The following FADS2 variants were observed in gnomAD, a reference collection of about 807,000 sequenced individuals.
The protein encoded by FADS2 is acyl-CoA 6-desaturase.
FADS2 carries 18 observed loss-of-function variants against 61.2 expected under a neutral mutation model. That is an observed-to-expected ratio of 0.29 (90% CI 0.20 to 0.44). FADS2 has a LOEUF of 0.44. Among genes scored for constraint, FADS2 ranks in the 20% least tolerant of loss-of-function variants. The probability of loss-of-function intolerance (pLI) is 1.00; values close to 1 mark genes in which losing one functional copy is unlikely to be tolerated. For missense variants in FADS2, 322 were observed against 572.7 expected (o/e 0.56, Z 4.47); for synonymous variants, 203 against 223.9 (o/e 0.91, Z 0.83).
chr11:61,822,617 T>G (rs1447315637), intron 1 of FADS2, among the ~76,000 whole-genome samples: 1 of 152,198 alleles, frequency 6.6e-6, no homozygotes, highest in African/African-American at 2.4e-5. Flanking sequence ...GATCTTCAGA[T>G]TGCCCGGGGA....
intron 2 of FADS2, 29 bp downstream of exon 2, chr11:61,837,917 G>A (rs767209852): frequency 1.3e-6 from 2 of 1,518,986 alleles, no homozygotes; most frequent in Admixed American, 1.7e-5. Flanking sequence ...CTGGGTGGGG[G>A]TGGAGACGAG....
At chr11:61,852,138 G>A (rs1310949020) in intron 5 of FADS2, among the ~76,000 whole-genome samples, 1 of 152,148 alleles carries the variant, frequency 6.6e-6, no homozygotes, top group Non-Finnish European at 1.5e-5. Context: ...TGGGCTGTCT[G>A]TCCTCTCCCA....
chr11:61,817,672 AGGAGCCCTG>A (rs1038748300), intron 1 of FADS2, among the ~76,000 whole-genome samples: 6 of 151,980 alleles, frequency 3.9e-5, no homozygotes, highest in African/African-American at 1.4e-4. Context: ...GGAGGCGCCT[AGGAGCCCTG>A]GGAGACTTTT....
At chr11:61,825,962 CTT>C, upstream of FADS2, 1 of 658,118 alleles carries the variant, frequency 1.5e-6, no homozygotes, top group South Asian at 1.6e-5. Context: ...AAAGTTCTCT[CTT>C]AATTCAGGCC....
At chr11:61,830,318 T>C (rs2067118314) in intron 1 of FADS2, among the ~76,000 whole-genome samples, 1 of 152,266 alleles carries the variant, frequency 6.6e-6, no homozygotes, top group Admixed American at 6.5e-5. Context: ...TTATTCCACA[T>C]TGTTAAACAT....
chr11:61,866,399 C>T lies in FADS2; in HGVS notation c.*710C>T, dbSNP rs189380986. ...TTTCACGGGCCCCATTCCACCGCCT[C>T]CCCAACTTGAGCCTGTGACCTTGGG... On this transcript the variant is annotated 3_prime_UTR_variant, in exon 12 of 12. Transcript: ENST00000278840. 169 of 168,006 alleles carry T rather than the reference C, an allele frequency of 1.0e-3. No individual in the cohort carries two copies. The highest frequency in any genetic ancestry group is 3.8e-3 in the African/African-American group (159 of 42,314). The allele number at this position is 168,006 out of a possible 1,614,324, so 10.4% of individuals were successfully genotyped here. A position where few individuals can be genotyped will look rare whatever the true frequency, so the allele number is the denominator to read the frequency against.
In FADS2 at chr11:61,840,519, T is replaced by C; in HGVS notation, c.504T>C (p.Leu168=). ...WIPTLITAFV[L]ATSQAQAGWL... ...CTACCCTCATCACGGCCTTTGTCCT[T>C]GCTACCTCTCAGGTGAGGCGTGACA... The change falls in exon 3 of 12, where the codon CTT becomes CTC. Residue 168 remains leucine, a synonymous_variant. Transcript: ENST00000278840. 6.2e-7 allele frequency: 1 copy of C among 1,614,230 alleles called. No individual in the cohort carries two copies. The highest frequency in any genetic ancestry group is 8.5e-7 in the Non-Finnish European group (1 of 1,180,040).
At chr11:61,857,913 G>A (rs1424551182) in intron 7 of FADS2, among the ~76,000 whole-genome samples, 1 of 152,214 alleles carries the variant, frequency 6.6e-6, no homozygotes, top group Non-Finnish European at 1.5e-5. Context: ...GGCGTTGGCT[G>A]AGATGACAGG....
chr11:61,840,282 C>G, intron 2 of FADS2, 52 bp from the exon 3 acceptor site: 1 of 1,437,468 alleles, frequency 7.0e-7, no homozygotes, highest in East Asian at 2.3e-5. Flanking sequence ...GACATATGTT[C>G]CCTCCAGAGT....
Position 61,816,732 on chromosome 11 carries a change from C to A in FADS2, c.141+306C>A, listed in dbSNP as rs749976161. The A allele has an allele frequency of 1.7e-5, 27 of 1,558,594 alleles. No individual in the cohort carries two copies. The highest frequency in any genetic ancestry group is 2.4e-5 in the East Asian group (1 of 41,850). Reference sequence around the variant, plus strand: ...GCGGGGTAGGTCCCTGAGCCGCGGTCTCGGCGGCCACCGGGTCGGGGGCCA... The same window carrying A: ...GCGGGGTAGGTCCCTGAGCCGCGGTATCGGCGGCCACCGGGTCGGGGGCCA... On this transcript the variant is annotated intron_variant, in intron 1 of 11. Transcript: ENST00000257261. The surrounding 1 kb of genome is among the most constrained non-coding windows in gnomAD (Gnocchi z 7.0).
intron 7 of FADS2, among the ~76,000 whole-genome samples, chr11:61,860,629 A>G (rs2067405589): frequency 6.6e-6 from 1 of 152,214 alleles, no homozygotes; most frequent in South Asian, 2.1e-4. Flanking sequence ...CACTCAAAAG[A>G]AGTCCAGGCC....
rs1275770484 is a variant in FADS2 at position 61,857,542 on chromosome 11, A to C, written c.882+12A>C. On this transcript the variant is annotated intron_variant, in intron 7 of 11. Coordinates refer to ENST00000278840, the MANE Select transcript of FADS2 (RefSeq NM_004265.4). The stretch of plus-strand genomic sequence containing the variant: ...ATAAGAACTGGGTGGTGAGTTGGGG[A>C]CACAGCTGGCTTGGCATGGGGAGGA... The C allele has an allele frequency of 6.2e-7, 1 of 1,610,818 alleles. No homozygotes were observed. Among genetic ancestry groups the C allele is most frequent in the Admixed American group, 1.7e-5 (1 of 60,010 alleles).
chr11:61,863,957 C>T, intron 10 of FADS2, 171 bp downstream of exon 10: 1 of 604,192 alleles, frequency 1.7e-6, no homozygotes, highest in South Asian at 2.0e-5. Flanking sequence ...AGGAGAGGGG[C>T]TCCCCTATTC....
chr11:61,831,011 C>G (rs1215391633), intron 1 of FADS2, among the ~76,000 whole-genome samples: 1 of 152,184 alleles, frequency 6.6e-6, no homozygotes, highest in Non-Finnish European at 1.5e-5. Context: ...TAAAATAAGA[C>G]TTTTGGGGCA....
chr11:61,863,589 G>A, intron 9 of FADS2, 118 bp from the exon 10 acceptor site: 1 of 877,964 alleles, frequency 1.1e-6, no homozygotes, highest in Non-Finnish European at 1.8e-6. Context: ...CCATCAGGCA[G>A]GACGGTATGA....
intron 1 of FADS2, among the ~76,000 whole-genome samples, chr11:61,830,292 G>A (rs969181762): frequency 6.6e-6 from 1 of 152,202 alleles, no homozygotes; most frequent in Non-Finnish European, 1.5e-5. Context: ...AGTCAAATAC[G>A]ATGAATTTGG....
intron 8 of FADS2, 24 bp downstream of exon 8, chr11:61,863,093 C>A (rs770900924): frequency 1.7e-5 from 27 of 1,593,130 alleles, no homozygotes; most frequent in Non-Finnish European, 2.3e-5. Flanking sequence ...GCTGATTCAT[C>A]CCTGGGCCCT....
chr11:61,818,956 C>T (rs2067012320), intron 1 of FADS2, among the ~76,000 whole-genome samples: 1 of 151,946 alleles, frequency 6.6e-6, no homozygotes. Flanking sequence ...CTGCAAGCTC[C>T]ACCTCCCAGG....
chr11:61,839,237 C>A (rs2067199036), intron 2 of FADS2, among the ~76,000 whole-genome samples: 1 of 152,150 alleles, frequency 6.6e-6, no homozygotes. Context: ...CCCAACTCAA[C>A]CCCTCAAGAC....
Sources: allele counts gnomAD v4.1 joint callset (sites outside exome capture counted in the v4.1 genomes callset), GRCh38; gene constraint gnomAD v4.1.1; non-coding constraint Gnocchi (gnomAD v3.1); transcripts MANE v1.5; gene names NCBI Gene and HGNC (gene_info 2026-07-23, HGNC 2026-07-21).